TMEM43: variants seen among roughly 807,000 people sequenced by gnomAD.
The protein encoded by TMEM43 is arrhythmogenic right ventricular dysplasia 5.
A neutral mutation model predicts 49.6 loss-of-function variants in TMEM43; 45 were observed. The ratio of observed to expected loss-of-function variants is 0.91; its 90% CI spans 0.71 to 1.16. The LOEUF (loss-of-function observed/expected upper bound fraction) is 1.16, where lower values mean the gene tolerates loss of function less well. TMEM43 is among the 50% of genes most tolerant of loss of function. The pLI is 0.00. For missense variants in TMEM43, 532 were observed against 516.6 expected (o/e 1.03, Z -0.29); for synonymous variants, 199 against 207.8 (o/e 0.96, Z 0.36).
chr3:14,141,159 G>A (rs1695240686), intron 11 of TMEM43, among the ~76,000 whole-genome samples: 1 of 152,208 alleles, frequency 6.6e-6, no homozygotes, highest in Non-Finnish European at 1.5e-5. Context: ...ACAGCCTGCT[G>A]CATGAATGAA....
chr3:14,130,790 C>A, intron 2 of TMEM43, 32 bp from the exon 3 acceptor site: 1 of 1,612,302 alleles, frequency 6.2e-7, no homozygotes, highest in Non-Finnish European at 8.5e-7. Context: ...CACCCCTGAG[C>A]TGTTGAAATC....
chr3:14,128,442 T>C (rs893735259), intron 1 of TMEM43, among the ~76,000 whole-genome samples: 2 of 152,176 alleles, frequency 1.3e-5, no homozygotes, highest in African/African-American at 4.8e-5. Flanking sequence ...CCTTTAGGGA[T>C]GCTCTTCCCC....
At position 14,143,314 on chromosome 3, in the gene TMEM43, A is replaced by G. The variant is rs1318814875; in HGVS notation, c.*1519A>G. ...AAACCAGAGATCTGTAATCATCTCT[A>G]TTGGCCTGGGGTGCCTGTGCTATAA... On this transcript the variant is annotated 3_prime_UTR_variant, in exon 12 of 12. Transcript: ENST00000306077. The G allele has an allele frequency of 6.6e-6, 1 of 152,222 alleles. No homozygotes were observed. The highest frequency in any genetic ancestry group is 2.4e-5 in the African/African-American group (1 of 41,458). The allele number at this position is 152,222 out of a possible 1,614,324, so 9.4% of individuals were successfully genotyped here.
intron 8 of TMEM43, 128 bp downstream of exon 8, chr3:14,135,019 G>A: frequency 1.3e-6 from 2 of 1,519,966 alleles, no homozygotes; most frequent in Non-Finnish European, 1.8e-6. Flanking sequence ...AGTGGGAGAG[G>A]CCCTCTGGGT....
rs980257199 is a variant in TMEM43, at chr3:14,142,792, G to C, written c.*997G>C. Reference sequence around the variant, plus strand: ...GGAGGAGAGGGTGGAGAAAGCACTTGCTTTCATCCTCTGGCATCGGAAACT... The same window carrying C: ...GGAGGAGAGGGTGGAGAAAGCACTTCCTTTCATCCTCTGGCATCGGAAACT... On this transcript the variant is annotated 3_prime_UTR_variant, in exon 12 of 12. Coordinates refer to ENST00000306077, the MANE Select transcript of TMEM43 (RefSeq NM_024334.3). The C allele has an allele frequency of 6.6e-6, 1 of 152,610 alleles. No individual in the cohort carries two copies. Among genetic ancestry groups the C allele is most frequent in the African/African-American group, 2.4e-5 (1 of 41,450 alleles). 9.5% of individuals were successfully genotyped at this position (152,610 alleles called of 1,614,324 possible). A position where few individuals can be genotyped will look rare whatever the true frequency, so the allele number is the denominator to read the frequency against.
Position 14,132,879 on chromosome 3 carries a change from G to T in TMEM43, c.456G>T (p.Arg152Ser). ...ETRYSYNTEW[R>S]SEIINSKNFD... ...CTCCCTGAGCAGACACTGAATGGAG[G>T]TCAGAAATCATCAACAGCAAAAACT... is the stretch of plus-strand genomic sequence containing the variant. The change falls in exon 6 of 12, where the codon AGG (arginine) becomes AGT (serine). Residue 152 changes from arginine to serine, a missense_variant. By Grantham distance (110) the Arg-to-Ser change is moderately radical. Coordinates refer to ENST00000306077, the MANE Select transcript of TMEM43 (RefSeq NM_024334.3). 6.2e-7 allele frequency: 1 copy of T among 1,614,076 alleles called. No individual in the cohort carries two copies. Among genetic ancestry groups the T allele is most frequent in the Non-Finnish European group, 8.5e-7 (1 of 1,179,974 alleles).
chr3:14,126,149 T>C (rs896188467), intron 1 of TMEM43, among the ~76,000 whole-genome samples: 1 of 152,082 alleles, frequency 6.6e-6, no homozygotes, highest in African/African-American at 2.4e-5. Flanking sequence ...GAGGCCAGGG[T>C]GTGCATCACC....
chr3:14,136,834 A>G lies in TMEM43; in HGVS notation c.882+926A>G, dbSNP rs1379295072. ...GAGGGCTATGCCTACCCCGGGTCCC[A>G]AGGAGAAGGGGTGCCAAGATGTGCT... On this transcript the variant is annotated intron_variant, in intron 10 of 11. Coordinates refer to ENST00000306077, the MANE Select transcript of TMEM43 (RefSeq NM_024334.3). Among the ~76,000 whole-genome samples, 14 of 148,952 alleles carry G rather than the reference A, an allele frequency of 9.4e-5. 1 individual carries two copies. The Admixed American group carries it at 9.5e-4, about 10-fold the overall frequency.
At chr3:14,137,415 A>C (rs548312114) in intron 10 of TMEM43, among the ~76,000 whole-genome samples, 3 of 152,274 alleles carry the variant, frequency 2.0e-5, no homozygotes, top group South Asian at 4.1e-4. Flanking sequence ...GGCTTAGGTA[A>C]TGCCCCAGAA....
In TMEM43 at chr3:14,125,052, G is replaced by A. The variant is rs17038940; in HGVS notation, c.-142G>A. ...ACACTGGGCACAGGGGGAGGTAACT[G>A]CAGTAAGTCCCGCTTGGCCCTGGAG... On this transcript the variant is annotated 5_prime_UTR_variant, in exon 1 of 12. Coordinates refer to ENST00000306077, the MANE Select transcript of TMEM43 (RefSeq NM_024334.3). 0.011 allele frequency: 11,939 copies of A among 1,070,850 alleles called. 640 individuals are homozygous for A. The East Asian group carries it at 0.14, about 13-fold the overall frequency. The allele number at this position is 1,070,850 out of a possible 1,614,324, so 66.3% of individuals were successfully genotyped here.
In TMEM43 at chr3:14,125,147, T is replaced by C. The variant is rs1574934702; in HGVS notation, c.-47T>C. The C allele has an allele frequency of 3.1e-6, 5 of 1,608,144 alleles. No homozygotes were observed. On this transcript the variant is annotated 5_prime_UTR_variant, in exon 1 of 12. Transcript: ENST00000306077. ...CACCACGCTCCAGTCGTCAGCCCACTTCCTAGCTGAACAGCGCGAGGCGGC... is the reference window on the plus strand; with the variant it reads ...CACCACGCTCCAGTCGTCAGCCCACCTCCTAGCTGAACAGCGCGAGGCGGC...
Position 14,125,071 on chromosome 3 carries a change from C to T in TMEM43, c.-123C>T. The stretch of plus-strand genomic sequence containing the variant: ...GTAACTGCAGTAAGTCCCGCTTGGC[C>T]CTGGAGTCCACGCGGATTTTCGAAG... On this transcript the variant is annotated 5_prime_UTR_variant, in exon 1 of 12. Coordinates refer to ENST00000306077, the MANE Select transcript of TMEM43 (RefSeq NM_024334.3). The T allele has an allele frequency of 5.4e-6, 7 of 1,300,406 alleles. No individual in the cohort carries two copies. Among genetic ancestry groups the T allele is most frequent in the Non-Finnish European group, 7.6e-6 (7 of 921,278 alleles). 80.6% of individuals were successfully genotyped at this position (1,300,406 alleles called of 1,614,324 possible). A position where few individuals can be genotyped will look rare whatever the true frequency, so the allele number is the denominator to read the frequency against.
In TMEM43 at chr3:14,130,765, A is replaced by G. The variant is rs1026292826; in HGVS notation, c.163-57A>G. 19 of 1,593,578 alleles carry G rather than the reference A, an allele frequency of 1.2e-5. No individual in the cohort carries two copies. In the Admixed American group the frequency reaches 3.1e-4, roughly 26 times the overall value. On this transcript the variant is annotated intron_variant, in intron 2 of 11. Coordinates refer to ENST00000306077, the MANE Select transcript of TMEM43 (RefSeq NM_024334.3). ...CCTACCCTAATACTTTGCAACAAGC[A>G]CAGTCATGCTGAGCCACCCCTGAGC... is the stretch of plus-strand genomic sequence containing the variant.
rs1695271850 is a variant in TMEM43 at position 14,142,945 on chromosome 3, G to A, written c.*1150G>A. On this transcript the variant is annotated 3_prime_UTR_variant, in exon 12 of 12. Transcript: ENST00000306077. ...ACCACAATCAAGAACTGAGGCCTGA[G>A]GCTGGTTGTACAATGCCCACGCCTG... 1.3e-5 allele frequency: 2 copies of A among 152,246 alleles called. No individual in the cohort carries two copies. Among genetic ancestry groups the A allele is most frequent in the Admixed American group, 6.5e-5 (1 of 15,284 alleles). 9.4% of individuals were successfully genotyped at this position (152,246 alleles called of 1,614,324 possible).
chr3:14,127,879 C>T (rs1343502542), intron 1 of TMEM43, among the ~76,000 whole-genome samples: 1 of 152,190 alleles, frequency 6.6e-6, no homozygotes, highest in Admixed American at 6.5e-5. Flanking sequence ...CTCCTCTGGC[C>T]CCCAATACCA....
intron 1 of TMEM43, among the ~76,000 whole-genome samples, chr3:14,127,511 G>A (rs1213015988): frequency 1.3e-5 from 2 of 152,244 alleles, no homozygotes; most frequent in Non-Finnish European, 2.9e-5. Flanking sequence ...GTAGCCTCCA[G>A]TCTGCCCGGA....
At chr3:14,133,836 C>G (rs1371239053) in intron 7 of TMEM43, 27 bp downstream of exon 7, 1 of 1,608,854 alleles carries the variant, frequency 6.2e-7, no homozygotes, top group Admixed American at 1.7e-5. Flanking sequence ...TCCAGAGGAG[C>G]TCGTGCCAGA....
intron 1 of TMEM43, among the ~76,000 whole-genome samples, chr3:14,126,643 C>G (rs1457703594): frequency 1.3e-5 from 2 of 152,206 alleles, no homozygotes; most frequent in African/African-American, 4.8e-5. Context: ...TACTTGAAAA[C>G]AAGCCTGTCC....
At chr3:14,127,368 A>C (rs1373299896) in intron 1 of TMEM43, among the ~76,000 whole-genome samples, 10 of 152,132 alleles carry the variant, frequency 6.6e-5, no homozygotes, top group African/African-American at 2.2e-4. Context: ...CCTTATCTTG[A>C]TGCTGGCTGA....
Sources: allele counts gnomAD v4.1 joint callset (sites outside exome capture counted in the v4.1 genomes callset), GRCh38; gene constraint gnomAD v4.1.1; transcripts MANE v1.5; gene names NCBI Gene and HGNC (gene_info 2026-07-23, HGNC 2026-07-21).